Variants in OLFM2 observed in about 807,000 individuals in gnomAD.
The protein encoded by OLFM2 is olfactomedin 2.
OLFM2 carries 20 observed loss-of-function variants against 43.9 expected under a neutral mutation model. That is an observed-to-expected ratio of 0.46 (90% CI 0.32 to 0.66). The LOEUF is 0.66. Ranked by LOEUF, OLFM2 falls within the 30% of genes least tolerant of loss-of-function variation. The pLI, the probability that OLFM2 is intolerant of heterozygous loss-of-function variation, is 0.04. For missense variants in OLFM2, 416 were observed against 643.6 expected (o/e 0.65, Z 3.83); for synonymous variants, 268 against 278.6 (o/e 0.96, Z 0.38).
intron 1 of OLFM2, among the ~76,000 whole-genome samples, chr19:9,914,515 C>T (rs980014802): frequency 2.0e-5 from 3 of 150,008 alleles, no homozygotes; most frequent in South Asian, 2.1e-4. Flanking sequence ...GGAGTTCCCA[C>T]GACTACCAAG....
At chr19:9,872,786 C>G (rs139973933) in intron 1 of OLFM2, among the ~76,000 whole-genome samples, 33 of 137,052 alleles carry the variant, frequency 2.4e-4, no homozygotes, top group Admixed American at 3.2e-4. Flanking sequence ...ATCCATTTAT[C>G]TGTTTACCCA....
chr19:9,913,632 A>G, intron 1 of OLFM2: 1 of 1,272,134 alleles, frequency 7.9e-7, no homozygotes, highest in Non-Finnish European at 1.0e-6. Flanking sequence ...CCTCCGCCTC[A>G]TGCCCCGCGG....
Position 9,908,281 on chromosome 19 carries a change from T to C in OLFM2, c.63+28023A>G, listed in dbSNP as rs183371982. On this transcript the variant is annotated intron_variant, in intron 1 of 5. Transcript: ENST00000264833. ...CTGGGACTACAGGTGTGCACCACCATGCCCAGCTAATTCTTTTTATTTTTC... is the reference window on the plus strand; with the variant it reads ...CTGGGACTACAGGTGTGCACCACCACGCCCAGCTAATTCTTTTTATTTTTC... 3.5e-3 allele frequency among the ~76,000 whole-genome samples: 526 copies of C among 152,004 alleles called. 3 individuals carry two copies. Among genetic ancestry groups the C allele is most frequent in the African/African-American group, 0.012 (487 of 41,456 alleles).
chr19:9,855,402 G>A (rs991980231), intron 5 of OLFM2, among the ~76,000 whole-genome samples: 1 of 151,606 alleles, frequency 6.6e-6, no homozygotes, highest in Non-Finnish European at 1.5e-5. Context: ...CACCACACCC[G>A]GCTAATTTTT....
chr19:9,929,098 CATGTCA>C (rs1345572797), intron 1 of OLFM2, among the ~76,000 whole-genome samples: 1 of 152,112 alleles, frequency 6.6e-6, no homozygotes, highest in Admixed American at 6.6e-5. Flanking sequence ...GCAGGGAGGA[CATGTCA>C]ATGTTCTCAG....
intron 1 of OLFM2, among the ~76,000 whole-genome samples, chr19:9,878,055 T>G (rs1294638860): frequency 6.6e-6 from 1 of 151,982 alleles, no homozygotes; most frequent in East Asian, 1.9e-4. Flanking sequence ...CTGGCCACAT[T>G]GCCCAGGTGG....
chr19:9,890,764 G>A (rs2046631940), intron 1 of OLFM2, among the ~76,000 whole-genome samples: 1 of 151,772 alleles, frequency 6.6e-6, no homozygotes, highest in Admixed American at 6.6e-5. Flanking sequence ...AACAGCCTGG[G>A]CAACATAGCA....
At chr19:9,899,992 C>G (rs567915162) in intron 1 of OLFM2, among the ~76,000 whole-genome samples, 15 of 152,204 alleles carry the variant, frequency 9.9e-5, no homozygotes, top group African/African-American at 3.1e-4. Flanking sequence ...TCTCACGTGT[C>G]CCCCTGGCAC....
intron 1 of OLFM2, among the ~76,000 whole-genome samples, chr19:9,869,633 A>G (rs2046427922): frequency 6.6e-6 from 1 of 152,102 alleles, no homozygotes; most frequent in Non-Finnish European, 1.5e-5. Context: ...TTTATTTTTT[A>G]AGAGACAGGG....
chr19:9,860,182 T>G (rs572977184), intron 2 of OLFM2, among the ~76,000 whole-genome samples: 1 of 149,056 alleles, frequency 6.7e-6, no homozygotes, highest in East Asian at 2.0e-4. Flanking sequence ...GAACAGATAT[T>G]GGATAAAGTA....
chr19:9,925,754 AC>A (rs1285010817), intron 1 of OLFM2, among the ~76,000 whole-genome samples: 2 of 151,890 alleles, frequency 1.3e-5, no homozygotes, highest in African/African-American at 4.8e-5. Context: ...ACTTCTGAAT[AC>A]GTACACAAAA....
intron 1 of OLFM2, among the ~76,000 whole-genome samples, chr19:9,929,683 C>A (rs1484742310): frequency 6.6e-6 from 1 of 152,090 alleles, no homozygotes; most frequent in East Asian, 1.9e-4. Flanking sequence ...CTCTCAGGCA[C>A]TAACACTGAA....
intron 1 of OLFM2, among the ~76,000 whole-genome samples, chr19:9,880,728 G>C (rs2046532721): frequency 6.6e-6 from 1 of 152,160 alleles, no homozygotes; most frequent in African/African-American, 2.4e-5. Flanking sequence ...AGAAACTAAT[G>C]CTTTGATTTC....
intron 1 of OLFM2, among the ~76,000 whole-genome samples, chr19:9,886,614 C>T (rs1409038576): frequency 1.3e-5 from 2 of 152,164 alleles, no homozygotes; most frequent in South Asian, 2.1e-4. Flanking sequence ...GCCCTCACTT[C>T]GAAATGCATC....
intron 1 of OLFM2, among the ~76,000 whole-genome samples, chr19:9,866,811 CTT>C (rs1388924604): frequency 6.6e-6 from 1 of 152,144 alleles, no homozygotes; most frequent in Admixed American, 6.6e-5. Context: ...CCCACTCTCT[CTT>C]TGCTGAGCTC....
intron 1 of OLFM2, among the ~76,000 whole-genome samples, chr19:9,868,487 G>A (rs1007345971): frequency 6.6e-5 from 10 of 152,084 alleles, no homozygotes; most frequent in Non-Finnish European, 1.0e-4. Context: ...GATTACAGGC[G>A]TGAGGCACTG....
intron 1 of OLFM2, among the ~76,000 whole-genome samples, chr19:9,874,847 C>CA (rs1428934485): frequency 1.3e-5 from 2 of 152,138 alleles, no homozygotes; most frequent in Non-Finnish European, 2.9e-5. Context: ...CTCCTGAGCT[C>CA]AAGTAATCCT....
chr19:9,902,724 T>A (rs2046751451), intron 1 of OLFM2, among the ~76,000 whole-genome samples: 1 of 152,058 alleles, frequency 6.6e-6, no homozygotes, highest in Non-Finnish European at 1.5e-5. Flanking sequence ...GGTTTCTTTT[T>A]AGAGACAAGG....
chr19:9,869,845 G>A lies in OLFM2; in HGVS notation c.64-9051C>T, dbSNP rs1014710943. On this transcript the variant is annotated intron_variant, in intron 1 of 5. Coordinates refer to ENST00000264833, the MANE Select transcript of OLFM2 (RefSeq NM_058164.4). The stretch of plus-strand genomic sequence containing the variant: ...AATTGCCCAAGCTGTGTTTGAACTC[G>A]TGGCCTCAGACAGTTCCTCCAGCCT... 8.5e-5 allele frequency among the ~76,000 whole-genome samples: 13 copies of A among 152,188 alleles called. 1 individual carries two copies. The South Asian group carries it at 2.3e-3, about 27-fold the overall frequency.
Sources: allele counts gnomAD v4.1 joint callset (sites outside exome capture counted in the v4.1 genomes callset), GRCh38; gene constraint gnomAD v4.1.1; transcripts MANE v1.5; gene names NCBI Gene and HGNC (gene_info 2026-07-23, HGNC 2026-07-21).